SLC6A6: variants seen among roughly 807,000 people sequenced by gnomAD.
The protein encoded by SLC6A6 is sodium- and chloride-dependent taurine transporter.
In SLC6A6, 16 loss-of-function variants were observed where a neutral mutation model predicts 68.8. The ratio of observed to expected loss-of-function variants is 0.23; its 90% CI spans 0.16 to 0.35. The LOEUF (loss-of-function observed/expected upper bound fraction) is 0.35, where lower values mean the gene tolerates loss of function less well. SLC6A6 is among the 10% of genes least tolerant of loss of function. The pLI is 1.00. For synonymous variants in SLC6A6, 312 were observed against 315.4 expected, an observed-to-expected ratio of 0.99 and a Z score of 0.12; for missense variants, 474 against 802.8, an observed-to-expected ratio of 0.59 and a Z score of 4.95.
At chr3:14,433,790 T>A in intron 2 of SLC6A6, among the ~76,000 whole-genome samples, 1 of 114,488 alleles carries the variant, frequency 8.7e-6, no homozygotes, top group African/African-American at 3.6e-5. Flanking sequence ...GCAACAGAGC[T>A]AGACTCTGTC....
chr3:14,465,866 G>A (rs1328476158), intron 6 of SLC6A6, among the ~76,000 whole-genome samples: 2 of 152,334 alleles, frequency 1.3e-5, no homozygotes, highest in African/African-American at 2.4e-5. Flanking sequence ...TCAGTTCCAC[G>A]AAGGCAGGGA....
At chr3:14,404,748 A>C (rs1328509283) in intron 1 of SLC6A6, among the ~76,000 whole-genome samples, 1 of 152,236 alleles carries the variant, frequency 6.6e-6, no homozygotes, top group East Asian at 1.9e-4. Flanking sequence ...GCTTGTAGTA[A>C]GCTGTAAAGC....
chr3:14,476,493 G>A (rs1171064376), intron 10 of SLC6A6, among the ~76,000 whole-genome samples: 1 of 152,162 alleles, frequency 6.6e-6, no homozygotes, highest in African/African-American at 2.4e-5. Context: ...CCCAGGAAGG[G>A]GTTCCTGGAG....
intron 2 of SLC6A6, among the ~76,000 whole-genome samples, chr3:14,428,019 T>C (rs1301492613): frequency 6.6e-6 from 1 of 152,142 alleles, no homozygotes; most frequent in East Asian, 1.9e-4. Flanking sequence ...AACTGTATCC[T>C]AAGGGCTAGG....
rs1374127914 is a variant in SLC6A6 at position 14,450,532 on chromosome 3, C to T, written c.599+2716C>T. Among the ~76,000 whole-genome samples, 1 of 152,224 alleles carries T rather than the reference C, an allele frequency of 6.6e-6. No individual in the cohort carries two copies. The stretch of plus-strand genomic sequence containing the variant: ...CCTCTCCTACCCCTGCACCCCTAGC[C>T]CCAGATTCCAGCAGAGCTTTGTGAG... On this transcript the variant is annotated intron_variant, in intron 5 of 14. Transcript: ENST00000622186. This position sits in a 1 kb window ranked among gnomAD's most constrained non-coding sequence, Gnocchi z 4.1.
At chr3:14,420,278 C>G (rs1028658390) in intron 2 of SLC6A6, among the ~76,000 whole-genome samples, 2 of 152,140 alleles carry the variant, frequency 1.3e-5, no homozygotes, top group Non-Finnish European at 2.9e-5. Flanking sequence ...ACTAAAAATA[C>G]AAAAATTAGC....
At position 14,428,465 on chromosome 3, in the gene SLC6A6, A is replaced by T. The variant is rs567135479; in HGVS notation, c.-12+12012A>T. Reference sequence around the variant, plus strand: ...TCTAAGTGCCTGCTGTATGCCAGGCACTGTTCTAAGCAGTCCATACATGTT... The same window carrying T: ...TCTAAGTGCCTGCTGTATGCCAGGCTCTGTTCTAAGCAGTCCATACATGTT... On this transcript the variant is annotated intron_variant, in intron 2 of 14. Transcript: ENST00000622186. Among the ~76,000 whole-genome samples the T allele has an allele frequency of 4.9e-4, 74 of 152,322 alleles. 5 individuals carry two copies. In the South Asian group the frequency reaches 0.014, roughly 29 times the overall value.
intron 2 of SLC6A6, among the ~76,000 whole-genome samples, chr3:14,437,519 T>A (rs1386672764): frequency 6.6e-6 from 1 of 152,234 alleles, no homozygotes; most frequent in Non-Finnish European, 1.5e-5. Context: ...TTATGGTGTA[T>A]AACATGATGT....
intron 2 of SLC6A6, among the ~76,000 whole-genome samples, chr3:14,433,160 T>A (rs1332231744): frequency 6.6e-6 from 1 of 152,142 alleles, no homozygotes; most frequent in African/African-American, 2.4e-5. Context: ...CTGGGCCAGG[T>A]GTGTAGCAGG....
At chr3:14,436,586 C>CTTTTTTTTT (rs1699859935) in intron 2 of SLC6A6, among the ~76,000 whole-genome samples, 2 of 67,862 alleles carry the variant, frequency 2.9e-5, no homozygotes, top group Non-Finnish European at 2.8e-5. Flanking sequence ...TTTTTTGGTG[C>CTTTTTTTTT]TTAATTGTTA....
At position 14,457,967 on chromosome 3, in the gene SLC6A6, T is replaced by G; in HGVS notation, c.617T>G (p.Leu206Trp). Residue 206 changes from leucine to tryptophan, a missense_variant, in exon 6 of 15, where the codon TTG (leucine) becomes TGG (tryptophan). Coordinates refer to ENST00000622186, the MANE Select transcript of SLC6A6 (RefSeq NM_003043.6). Reference sequence around the variant, plus strand: ...GCTTCAAGGCGCAACGTGCTGAGCTTGTCCCCTGGAATCGACCACCCAGGC... The same window carrying G: ...GCTTCAAGGCGCAACGTGCTGAGCTGGTCCCCTGGAATCGACCACCCAGGC... ...IEFWERNVLSLSPGIDHPGSL... is the reference protein window; with the variant it reads ...IEFWERNVLSWSPGIDHPGSL... The G allele has an allele frequency of 6.2e-7, 1 of 1,614,204 alleles. No homozygotes were observed. Among genetic ancestry groups the G allele is most frequent in the Non-Finnish European group, 8.5e-7 (1 of 1,180,010 alleles).
intron 1 of SLC6A6, among the ~76,000 whole-genome samples, chr3:14,413,476 A>G (rs1182485870): frequency 2.0e-5 from 3 of 152,244 alleles, no homozygotes; most frequent in Non-Finnish European, 4.4e-5. Flanking sequence ...TGGGAAAAGT[A>G]GAACACGTAG....
intron 5 of SLC6A6, among the ~76,000 whole-genome samples, chr3:14,455,778 T>G (rs111514060): frequency 2.0e-5 from 3 of 152,344 alleles, no homozygotes; most frequent in African/African-American, 7.2e-5. Flanking sequence ...GGCTTTTTGT[T>G]TTAAAGCCGT....
At chr3:14,464,782 T>C (rs1700578455) in intron 6 of SLC6A6, among the ~76,000 whole-genome samples, 1 of 152,204 alleles carries the variant, frequency 6.6e-6, no homozygotes, top group Non-Finnish European at 1.5e-5. Context: ...TTTCCTCTCC[T>C]GTAAAATGGG....
chr3:14,417,139 C>T (rs1020284317), intron 2 of SLC6A6, among the ~76,000 whole-genome samples: 41 of 151,436 alleles, frequency 2.7e-4, no homozygotes, highest in Admixed American at 2.6e-3. Context: ...TCGAGACCAG[C>T]GTGGGCAACA....
chr3:14,484,687 G>A (rs1279824744), intron 14 of SLC6A6, among the ~76,000 whole-genome samples, 180 bp from the exon 15 acceptor site: 1 of 152,226 alleles, frequency 6.6e-6, no homozygotes, highest in African/African-American at 2.4e-5. Flanking sequence ...GGCACCTTAG[G>A]AGCGCCTTAG....
chr3:14,460,373 G>A (rs994279411), intron 6 of SLC6A6, among the ~76,000 whole-genome samples: 2 of 152,000 alleles, frequency 1.3e-5, no homozygotes, highest in Non-Finnish European at 2.9e-5. Context: ...GGAGAATGGG[G>A]AGTGTTGGGA....
chr3:14,480,002 C>G (rs534921398), intron 13 of SLC6A6, among the ~76,000 whole-genome samples: 1 of 152,276 alleles, frequency 6.6e-6, no homozygotes, highest in East Asian at 1.9e-4. Context: ...CAAATAGGCC[C>G]TCCCCTCCGT....
chr3:14,413,492 C>T (rs957784314), intron 1 of SLC6A6, among the ~76,000 whole-genome samples: 1 of 152,254 alleles, frequency 6.6e-6, no homozygotes, highest in Non-Finnish European at 1.5e-5. Context: ...CGTAGTGACT[C>T]TGAGTCCTCA....
Sources: allele counts gnomAD v4.1 joint callset (sites outside exome capture counted in the v4.1 genomes callset), GRCh38; gene constraint gnomAD v4.1.1; non-coding constraint Gnocchi (gnomAD v3.1); transcripts MANE v1.5; gene names NCBI Gene and HGNC (gene_info 2026-07-23, HGNC 2026-07-21).